DNAH14: variants seen among roughly 807,000 people sequenced by gnomAD.
The protein encoded by DNAH14 is dynein axonemal heavy chain 14, also known as axonemal beta dynein heavy chain 14.
In DNAH14, 478 loss-of-function variants were observed where a neutral mutation model predicts 520.9. The ratio of observed to expected loss-of-function variants is 0.92; its 90% CI spans 0.85 to 0.99. DNAH14 has a LOEUF of 0.99. Among genes scored for constraint, DNAH14 ranks in the 50% least tolerant of loss-of-function variants. DNAH14 has a pLI of 0.00. For synonymous variants in DNAH14, 1,581 were observed against 1,757.2 expected, an observed-to-expected ratio of 0.90 and a Z score of 2.51; for missense variants, 4,831 against 5,234.5, an observed-to-expected ratio of 0.92 and a Z score of 2.38.
At chr1:225,386,882 G>A (rs1010947833) in intron 81 of DNAH14, among the ~76,000 whole-genome samples, 1 of 152,188 alleles carries the variant, frequency 6.6e-6, no homozygotes, top group African/African-American at 2.4e-5. Context: ...CCATTACTGG[G>A]CATATATCCA....
intron 8 of DNAH14, among the ~76,000 whole-genome samples, chr1:224,987,785 C>T (rs771065103): frequency 1.3e-4 from 20 of 152,094 alleles, no homozygotes; most frequent in Non-Finnish European, 2.2e-4. Context: ...CGCCACCATG[C>T]CCAGCTAATT....
intron 71 of DNAH14, among the ~76,000 whole-genome samples, chr1:225,347,145 T>G (rs937178145): frequency 2.0e-5 from 3 of 152,242 alleles, no homozygotes; most frequent in Non-Finnish European, 4.4e-5. Context: ...ATCTCAATTT[T>G]TAAGTGACAT....
intron 27 of DNAH14, among the ~76,000 whole-genome samples, chr1:225,125,729 C>G (rs919794273): frequency 3.3e-5 from 5 of 152,178 alleles, no homozygotes; most frequent in African/African-American, 9.6e-5. Flanking sequence ...ACAGGAGTAG[C>G]ACTTTTAATT....
At chr1:225,230,939 G>C in intron 41 of DNAH14, 134 bp from the exon 42 acceptor site, 1 of 582,142 alleles carries the variant, frequency 1.7e-6, no homozygotes, top group South Asian at 2.9e-5. Flanking sequence ...TTAATTCTCA[G>C]ATACTGTATG....
intron 21 of DNAH14, among the ~76,000 whole-genome samples, chr1:225,088,314 G>A (rs1290257196): frequency 2.0e-5 from 3 of 152,138 alleles, no homozygotes; most frequent in Non-Finnish European, 4.4e-5. Context: ...AAGTTAAGTA[G>A]AGAGGTAAAA....
chr1:225,078,810 CTCTCTCTCTCTCT>C lies in DNAH14; in HGVS notation c.2425-396_2425-384del, dbSNP rs1558883213. On this transcript the variant is annotated intron_variant, in intron 17 of 85. Coordinates refer to ENST00000682510, the MANE Select transcript of DNAH14 (RefSeq NM_001367479.1). ...TCTCTCTCTCTCTCTCTCTCTCTCT[CTCTCTCTCTCTCT>C]CCCTCTCTCTCTCTCTCTCCCTCTC... is the stretch of plus-strand genomic sequence containing the variant. Among the ~76,000 whole-genome samples the C allele has an allele frequency of 1.0e-3, 63 of 63,258 alleles. 2 individuals carry two copies. Among genetic ancestry groups the C allele is most frequent in the African/African-American group, 1.3e-3 (30 of 22,928 alleles). The allele number at this position is 63,258 out of a possible 152,430, so 41.5% of individuals were successfully genotyped here. A position where few individuals can be genotyped will look rare whatever the true frequency, so the allele number is the denominator to read the frequency against.
At chr1:225,160,374 TAACTA>T (rs1380530791) in intron 35 of DNAH14, among the ~76,000 whole-genome samples, 1 of 152,182 alleles carries the variant, frequency 6.6e-6, no homozygotes, top group Non-Finnish European at 1.5e-5. Flanking sequence ...TCTTTAAATA[TAACTA>T]ATAGGCTATG....
intron 57 of DNAH14, among the ~76,000 whole-genome samples, chr1:225,304,317 G>A (rs192933662): frequency 6.6e-6 from 1 of 152,282 alleles, no homozygotes; most frequent in East Asian, 1.9e-4. Context: ...CAGCAGTTTG[G>A]GAGGCAAGGC....
intron 8 of DNAH14, among the ~76,000 whole-genome samples, chr1:224,993,410 A>T (rs1572317832): frequency 1.3e-5 from 2 of 151,954 alleles, no homozygotes; most frequent in South Asian, 2.1e-4. Flanking sequence ...CTGTTTCTTC[A>T]TGATTAAGTC....
chr1:225,354,295 T>C (rs1168048384), intron 73 of DNAH14: 2 of 701,106 alleles, frequency 2.9e-6, no homozygotes, highest in African/African-American at 3.5e-5. Context: ...TAATTCTAGG[T>C]TCTGTATGAG....
At chr1:224,943,026 G>A (rs1169032178) in intron 1 of DNAH14, among the ~76,000 whole-genome samples, 2 of 152,228 alleles carry the variant, frequency 1.3e-5, no homozygotes, top group African/African-American at 4.8e-5. Context: ...CATAAAATGA[G>A]TTAGGGAGGA....
In DNAH14 at chr1:225,023,825, A is replaced by T. The variant is rs1301319495; in HGVS notation, c.1318A>T (p.Met440Leu). ...GGAATTATTTAATGGTTCTGCTGGAATGCCATTTTCAGTGGAAAAAAAGAA... is the reference window on the plus strand; with the variant it reads ...GGAATTATTTAATGGTTCTGCTGGATTGCCATTTTCAGTGGAAAAAAAGAA... ...LLELFNGSAG[M>L]PFSVEKKNEN... Residue 440 changes from methionine (M) to leucine (L), a missense_variant, in exon 11 of 86, where the codon ATG (methionine) becomes TTG (leucine). Transcript: ENST00000682510. 6.5e-7 allele frequency: 1 copy of T among 1,541,616 alleles called. No individual in the cohort carries two copies. The highest frequency in any genetic ancestry group is 8.8e-7 in the Non-Finnish European group (1 of 1,142,282).
At chr1:225,078,852 CTCTCTCCCTCTCT>C (rs2072713760) in intron 17 of DNAH14, among the ~76,000 whole-genome samples, 6 of 42,586 alleles carry the variant, frequency 1.4e-4, no homozygotes, top group African/African-American at 6.0e-4. Flanking sequence ...CCCTCTCTCT[CTCTCTCCCTCTCT>C]CTCTCTCTCT....
chr1:225,333,876 T>G (rs183768194), intron 66 of DNAH14, among the ~76,000 whole-genome samples: 1 of 152,330 alleles, frequency 6.6e-6, no homozygotes, highest in Admixed American at 6.5e-5. Flanking sequence ...AGAACTACAT[T>G]TATTAACTTA....
intron 23 of DNAH14, among the ~76,000 whole-genome samples, chr1:225,102,551 T>C (rs1468847366): frequency 6.6e-6 from 1 of 152,210 alleles, no homozygotes; most frequent in Non-Finnish European, 1.5e-5. Flanking sequence ...CTCCAGCACC[T>C]GTTGCTTCCT....
chr1:225,302,567 C>T (rs1013139453), intron 56 of DNAH14, among the ~76,000 whole-genome samples: 2 of 152,144 alleles, frequency 1.3e-5, no homozygotes, highest in African/African-American at 4.8e-5. Flanking sequence ...GGAATCTGTG[C>T]CCTGTTGCCA....
chr1:224,988,379 A>G (rs879354466), intron 8 of DNAH14, among the ~76,000 whole-genome samples: 2 of 152,164 alleles, frequency 1.3e-5, no homozygotes, highest in African/African-American at 2.4e-5. Flanking sequence ...AAAGCTCAAC[A>G]TCACTGAACG....
intron 3 of DNAH14, 96 bp from the exon 4 acceptor site, chr1:224,960,057 A>G (rs914680736): frequency 5.6e-6 from 7 of 1,253,306 alleles, no homozygotes; most frequent in Non-Finnish European, 7.5e-6. Flanking sequence ...ATACTGCCTT[A>G]TATAATCATT....
chr1:224,986,517 G>A (rs1295261921), intron 8 of DNAH14, among the ~76,000 whole-genome samples: 2 of 150,218 alleles, frequency 1.3e-5, no homozygotes, highest in Non-Finnish European at 2.9e-5. Context: ...TTTGCATATT[G>A]ATTGATATGC....
Sources: allele counts gnomAD v4.1 joint callset (sites outside exome capture counted in the v4.1 genomes callset), GRCh38; gene constraint gnomAD v4.1.1; transcripts MANE v1.5; gene names NCBI Gene and HGNC (gene_info 2026-07-23, HGNC 2026-07-21).